Variants in OSBPL11 observed in about 807,000 individuals in gnomAD.
The protein encoded by OSBPL11 is oxysterol-binding protein-related protein 11.
Under a neutral mutation model 84.4 loss-of-function variants are expected in OSBPL11, and 33 were observed. That is an observed-to-expected ratio of 0.39 (90% CI 0.30 to 0.52). The LOEUF is 0.52. Ranked by LOEUF, OSBPL11 falls within the 20% of genes least tolerant of loss-of-function variation. The pLI is 0.72. For missense variants in OSBPL11, 736 were observed against 901.1 expected (o/e 0.82, Z 2.35); for synonymous variants, 276 against 310.2 (o/e 0.89, Z 1.16).
intron 9 of OSBPL11, among the ~76,000 whole-genome samples, chr3:125,547,851 T>G (rs1205930583): frequency 6.6e-6 from 1 of 152,200 alleles, no homozygotes; most frequent in African/African-American, 2.4e-5. Context: ...AGTGGAAACA[T>G]TTCAAGGGTT....
chr3:125,583,246 T>C (rs966172512), intron 1 of OSBPL11, among the ~76,000 whole-genome samples: 4 of 151,904 alleles, frequency 2.6e-5, no homozygotes, highest in African/African-American at 9.7e-5. Flanking sequence ...ATTATACAAA[T>C]ATAAAATTAC....
chr3:125,591,785 T>C (rs1384173941), intron 1 of OSBPL11, among the ~76,000 whole-genome samples: 2 of 152,174 alleles, frequency 1.3e-5, no homozygotes, highest in African/African-American at 2.4e-5. Flanking sequence ...AAATTCCAGA[T>C]AGATTAAAAA....
intron 5 of OSBPL11, among the ~76,000 whole-genome samples, chr3:125,568,172 G>C (rs1936189194): frequency 6.6e-6 from 1 of 151,918 alleles, no homozygotes; most frequent in African/African-American, 2.4e-5. Context: ...TTTTTATTAA[G>C]AGTAATCGCA....
At chr3:125,560,215 C>T (rs1009972924) in intron 8 of OSBPL11, among the ~76,000 whole-genome samples, 164 bp downstream of exon 8, 18 of 152,002 alleles carry the variant, frequency 1.2e-4, no homozygotes, top group Non-Finnish European at 2.4e-4. Context: ...GAGCCGAGAT[C>T]GCACCATTGC....
Position 125,531,870 on chromosome 3 carries a change from A to G in OSBPL11, c.2169T>C (p.Phe723=). ...ETGTPWKTKY[F]IKEGDGWVYH... ...CACATGTACAGCATACCTCTTTAAT[A>G]AAATATTTGGTTTTCCAAGGTGTGC... Residue 723 remains phenylalanine, a synonymous_variant, in exon 12 of 13, where the codon TTT becomes TTC. Coordinates refer to ENST00000296220, the MANE Select transcript of OSBPL11 (RefSeq NM_022776.5). The G allele has an allele frequency of 1.2e-6, 2 of 1,609,650 alleles. No homozygotes were observed. Among genetic ancestry groups the G allele is most frequent in the South Asian group, 1.1e-5 (1 of 89,928 alleles).
At chr3:125,580,387 G>A (rs1195369865) in intron 2 of OSBPL11, among the ~76,000 whole-genome samples, 9 of 151,940 alleles carry the variant, frequency 5.9e-5, no homozygotes, top group Non-Finnish European at 1.3e-4. Context: ...GGTGGTGCAT[G>A]CCTGTAATCC....
chr3:125,545,366 AT>A (rs1368032556), intron 10 of OSBPL11, among the ~76,000 whole-genome samples: 1 of 152,190 alleles, frequency 6.6e-6, no homozygotes, highest in African/African-American at 2.4e-5. Flanking sequence ...CTAAAAATTG[AT>A]TTTTTAGCTA....
Position 125,579,050 on chromosome 3 carries a change from A to G in OSBPL11, c.410-11T>C, listed in dbSNP as rs750510165. 1.9e-5 allele frequency: 30 copies of G among 1,557,042 alleles called. No homozygotes were observed. The highest frequency in any genetic ancestry group is 2.5e-5 in the Non-Finnish European group (29 of 1,144,392). Reference sequence around the variant, plus strand: ...CTTTTGCATCTGTAGCTGTTAAAAGAATGTAAAAATTATTTTATATTTATT... The same window carrying G: ...CTTTTGCATCTGTAGCTGTTAAAAGGATGTAAAAATTATTTTATATTTATT... On this transcript the variant is annotated splice_polypyrimidine_tract_variant and intron_variant, in intron 3 of 12. Coordinates refer to ENST00000296220, the MANE Select transcript of OSBPL11 (RefSeq NM_022776.5).
intron 2 of OSBPL11, among the ~76,000 whole-genome samples, chr3:125,581,809 C>T (rs1559847438): frequency 1.4e-5 from 2 of 146,836 alleles, no homozygotes; most frequent in African/African-American, 5.0e-5. Context: ...CCTGTCTTTA[C>T]AAAAAAAAAT....
At chr3:125,577,927 C>T (rs1435779197) in intron 4 of OSBPL11, among the ~76,000 whole-genome samples, 2 of 152,094 alleles carry the variant, frequency 1.3e-5, no homozygotes, top group East Asian at 3.9e-4. Flanking sequence ...TTTGGCAGTT[C>T]CTCAAAATGT....
intron 1 of OSBPL11, among the ~76,000 whole-genome samples, chr3:125,586,160 T>C (rs1247491182): frequency 6.6e-6 from 1 of 152,220 alleles, no homozygotes; most frequent in Non-Finnish European, 1.5e-5. Flanking sequence ...ATCTAGCTAC[T>C]GAAGTGGGAA....
Position 125,546,957 on chromosome 3 carries a change from T to G in OSBPL11, c.1841+449A>C, listed in dbSNP as rs116350093. Among the ~76,000 whole-genome samples the G allele has an allele frequency of 7.9e-3, 1,201 of 152,228 alleles. 11 individuals carry two copies. The highest frequency in any genetic ancestry group is 0.014 in the Non-Finnish European group (933 of 68,012). Reference sequence around the variant, plus strand: ...AATAAGAAGTACTGGATCTAGAAATTTATCACTGCAAGTTGCTTCCACCTA... The same window carrying G: ...AATAAGAAGTACTGGATCTAGAAATGTATCACTGCAAGTTGCTTCCACCTA... On this transcript the variant is annotated intron_variant, in intron 10 of 12. Transcript: ENST00000296220.
rs532694875 is a variant in OSBPL11, at chr3:125,563,932, C to T, written c.869-89G>A. The T allele has an allele frequency of 3.9e-5, 58 of 1,475,450 alleles. 2 individuals are homozygous for T. In the South Asian group the frequency reaches 7.0e-4, roughly 18 times the overall value. The allele number at this position is 1,475,450 out of a possible 1,614,324, so 91.4% of individuals were successfully genotyped here. ...GGATTTTAACAATTTTGTTTTGAGC[C>T]TACAAGCCTAAAAGCAATTAAACCT... On this transcript the variant is annotated intron_variant, in intron 6 of 12. Coordinates refer to ENST00000296220, the MANE Select transcript of OSBPL11 (RefSeq NM_022776.5).
intron 1 of OSBPL11, among the ~76,000 whole-genome samples, chr3:125,593,392 G>T (rs1460135123): frequency 1.8e-4 from 27 of 152,114 alleles, no homozygotes; most frequent in Admixed American, 1.8e-3. Context: ...AGCAGAGGAG[G>T]GCTGATCACT....
At chr3:125,545,850 C>T (rs1186438048) in intron 10 of OSBPL11, among the ~76,000 whole-genome samples, 1 of 152,032 alleles carries the variant, frequency 6.6e-6, no homozygotes, top group Non-Finnish European at 1.5e-5. Flanking sequence ...ATAACAAATG[C>T]AGACAGCAGA....
intron 2 of OSBPL11, among the ~76,000 whole-genome samples, chr3:125,580,313 G>A (rs1343798847): frequency 2.0e-5 from 3 of 151,950 alleles, no homozygotes; most frequent in African/African-American, 7.3e-5. Flanking sequence ...TCAGGAGTTC[G>A]AGATCAGCCT....
chr3:125,573,413 A>G (rs1026375608), intron 5 of OSBPL11, among the ~76,000 whole-genome samples: 14 of 152,216 alleles, frequency 9.2e-5, no homozygotes, highest in African/African-American at 3.4e-4. Flanking sequence ...CTCACAGGGC[A>G]TGGCATAGTA....
At chr3:125,571,051 A>T (rs1936235529) in intron 5 of OSBPL11, among the ~76,000 whole-genome samples, 1 of 152,206 alleles carries the variant, frequency 6.6e-6, no homozygotes, top group Non-Finnish European at 1.5e-5. Flanking sequence ...CTTTGCCCAA[A>T]ATGCGGACAG....
chr3:125,567,906 A>G (rs1936183694), intron 5 of OSBPL11, among the ~76,000 whole-genome samples: 1 of 151,346 alleles, frequency 6.6e-6, no homozygotes, highest in Non-Finnish European at 1.5e-5. Context: ...AAGTGTGAGG[A>G]TCACTTGAGC....
Sources: gnomAD v4.1 joint callset for allele counts (sites outside exome capture counted in the v4.1 genomes callset) on GRCh38, gnomAD v4.1.1 for gene constraint, MANE v1.5 for transcripts, NCBI Gene and HGNC (gene_info 2026-07-23, HGNC 2026-07-21) for gene names.